ZNF169: variants seen among roughly 807,000 people sequenced by gnomAD.
ZNF169 encodes the protein zinc finger protein 169.
A neutral mutation model predicts 12.0 loss-of-function variants in ZNF169; 11 were observed. That is an observed-to-expected ratio of 0.92 (90% CI 0.58 to 1.52). ZNF169 has a LOEUF of 1.52. Among genes scored for constraint, ZNF169 ranks in the 40% most tolerant of loss-of-function variants. The probability of loss-of-function intolerance (pLI) is 0.00; values close to 1 mark genes in which losing one functional copy is unlikely to be tolerated. For missense variants in ZNF169, 722 were observed against 744.0 expected (o/e 0.97, Z 0.34); for synonymous variants, 302 against 286.5 (o/e 1.05, Z -0.55).
At chr9:94,289,732 G>A (rs566181863) in intron 2 of ZNF169, among the ~76,000 whole-genome samples, 28 of 152,334 alleles carry the variant, frequency 1.8e-4, no homozygotes, top group African/African-American at 6.0e-4. Flanking sequence ...AGAGAATGCA[G>A]TGAGCTGAGA....
At position 94,273,648 on chromosome 9, in the gene ZNF169, C is replaced by T. The variant is rs1469471095; in HGVS notation, c.-55-5110C>T. Among the ~76,000 whole-genome samples the T allele has an allele frequency of 5.6e-5, 8 of 143,748 alleles. No individual in the cohort carries two copies. In the East Asian group the frequency reaches 1.4e-3, roughly 25 times the overall value. 94.3% of individuals were successfully genotyped at this position (143,748 alleles called of 152,430 possible). On this transcript the variant is annotated intron_variant, in intron 1 of 4. Transcript: ENST00000395395. ...AGGCTGGAGTGCAGTGGCACCATCT[C>T]GGCTCACTGCCAACTCCGCCTCCCG...
intron 2 of ZNF169, among the ~76,000 whole-genome samples, chr9:94,280,816 G>C (rs1393038555): frequency 6.6e-6 from 1 of 152,098 alleles, no homozygotes. Flanking sequence ...GTAGTTTGAC[G>C]GAAGGGCGGT....
intron 1 of ZNF169, among the ~76,000 whole-genome samples, chr9:94,263,815 T>G (rs868823043): frequency 6.7e-6 from 1 of 149,766 alleles, no homozygotes; most frequent in Non-Finnish European, 1.5e-5. Context: ...TATTTCTGCC[T>G]TCTTTGGGCC....
chr9:94,261,481 A>G (rs1830208065), intron 1 of ZNF169, among the ~76,000 whole-genome samples: 1 of 152,224 alleles, frequency 6.6e-6, no homozygotes, highest in Non-Finnish European at 1.5e-5. Context: ...AAAACATTGC[A>G]AAGATATCCA....
At chr9:94,275,304 C>T (rs1444627758) in intron 1 of ZNF169, among the ~76,000 whole-genome samples, 4 of 152,146 alleles carry the variant, frequency 2.6e-5, no homozygotes, top group East Asian at 3.9e-4. Flanking sequence ...ATTATAACGT[C>T]GAAAAATTGT....
intron 1 of ZNF169, among the ~76,000 whole-genome samples, chr9:94,260,509 C>A (rs1403207043): frequency 2.6e-5 from 4 of 151,792 alleles, no homozygotes; most frequent in Admixed American, 2.6e-4. Context: ...TAGGGCCGTG[C>A]GACTCGGGTC....
chr9:94,297,784 C>T (rs999171186), intron 4 of ZNF169, among the ~76,000 whole-genome samples: 1 of 152,212 alleles, frequency 6.6e-6, no homozygotes, highest in Non-Finnish European at 1.5e-5. Flanking sequence ...TTGTTCACTT[C>T]TGTTCTGATA....
In ZNF169 at chr9:94,292,478, C is replaced by A. The variant is rs371526596; in HGVS notation, c.160+11C>A. ...ATCTGGTCTCCCTGGGTAAGGCTGG[C>A]CTGTTTAAGGTTTCAGATTCTGCTT... On this transcript the variant is annotated intron_variant, in intron 3 of 4. Coordinates refer to ENST00000395395, the MANE Select transcript of ZNF169 (RefSeq NM_194320.4). 5.6e-6 allele frequency: 9 copies of A among 1,611,266 alleles called. No homozygotes were observed. In the South Asian group the frequency reaches 9.9e-5, roughly 18 times the overall value.
intron 1 of ZNF169, among the ~76,000 whole-genome samples, chr9:94,270,923 TATAA>T (rs1564083683): frequency 2.7e-5 from 1 of 36,388 alleles, no homozygotes; most frequent in Non-Finnish European, 4.4e-5. Flanking sequence ...TTATATTATA[TATAA>T]ATAATATATA....
At chr9:94,275,164 G>A (rs1830498314) in intron 1 of ZNF169, among the ~76,000 whole-genome samples, 1 of 152,214 alleles carries the variant, frequency 6.6e-6, no homozygotes, top group Non-Finnish European at 1.5e-5. Context: ...TTGAGCCCAG[G>A]AAGTTGGGGC....
chr9:94,300,236 C>G lies in ZNF169; in HGVS notation c.678C>G (p.Ser226Arg), dbSNP rs762398744. 4.3e-6 allele frequency: 7 copies of G among 1,614,092 alleles called. No homozygotes were observed. The South Asian group carries it at 6.6e-5, about 15-fold the overall frequency. The change falls in exon 5 of 5, where the codon AGC becomes AGG. Residue 226 changes from serine to arginine, a missense_variant. Transcript: ENST00000395395. ...GACTGGGACTTAGCAAAAAGTCAAG[C>G]CTGTTCAGCCACCAGAAGCATCATG... ...NYRLGLSKKS[S>R]LFSHQKHHVC... is the part of the protein sequence containing the mutation.
chr9:94,284,294 A>T (rs973733253), intron 2 of ZNF169, among the ~76,000 whole-genome samples: 4 of 151,830 alleles, frequency 2.6e-5, no homozygotes, highest in African/African-American at 9.7e-5. Context: ...GCGTGGTGGC[A>T]CGTGCCTGTA....
At chr9:94,280,142 G>T (rs1051420378) in intron 2 of ZNF169, among the ~76,000 whole-genome samples, 10 of 152,020 alleles carry the variant, frequency 6.6e-5, no homozygotes, top group Non-Finnish European at 1.5e-5. Context: ...GGGGCTCATG[G>T]TGGATATTTG....
chr9:94,299,574 G>A (rs570888566), intron 4 of ZNF169: 13 of 1,358,374 alleles, frequency 9.6e-6, no homozygotes, highest in Non-Finnish European at 1.2e-5. Flanking sequence ...AGATAAATGT[G>A]TAACTCTACT....
intron 2 of ZNF169, among the ~76,000 whole-genome samples, chr9:94,289,420 G>A (rs964407118): frequency 4.6e-5 from 7 of 151,926 alleles, no homozygotes; most frequent in African/African-American, 1.7e-4. Flanking sequence ...AAAAAAGCAA[G>A]CTGGTAAAAC....
intron 2 of ZNF169, among the ~76,000 whole-genome samples, chr9:94,282,802 A>AT (rs1365221223): frequency 6.6e-6 from 1 of 152,150 alleles, no homozygotes; most frequent in African/African-American, 2.4e-5. Flanking sequence ...TTCCTGGTTT[A>AT]TTTAGGGGTT....
At chr9:94,267,862 C>CT (rs34734711) in intron 1 of ZNF169, among the ~76,000 whole-genome samples, 9,222 of 114,006 alleles carry the variant, frequency 0.081, 670 homozygotes, top group Middle Eastern at 0.13. Flanking sequence ...AAACTGCCTT[C>CT]TTTTTTTTTT....
At chr9:94,278,976 T>C in intron 2 of ZNF169, 131 bp downstream of exon 2, 1 of 834,666 alleles carries the variant, frequency 1.2e-6, no homozygotes, top group Non-Finnish European at 1.9e-6. Context: ...TATCTGGAGT[T>C]TTCTCTCAGT....
rs376340238 is a variant in ZNF169 at position 94,265,628 on chromosome 9, A to G, written c.-56+6283A>G. 5.4e-4 allele frequency among the ~76,000 whole-genome samples: 82 copies of G among 152,130 alleles called. 1 individual carries two copies. The South Asian group carries it at 0.016, about 29-fold the overall frequency. On this transcript the variant is annotated intron_variant, in intron 1 of 4. Transcript: ENST00000395395. ...TTTTCCAGAGCTTATATAACAAGCT[A>G]TATCTCTATGTGTAAGTGTGCTTTC...
Sources: gnomAD v4.1 joint callset for allele counts (sites outside exome capture counted in the v4.1 genomes callset) on GRCh38, gnomAD v4.1.1 for gene constraint, MANE v1.5 for transcripts, NCBI Gene and HGNC (gene_info 2026-07-23, HGNC 2026-07-21) for gene names.